ASIC2: variants seen among roughly 807,000 people sequenced by gnomAD.
ASIC2 encodes the protein acid-sensing ion channel 2.
In ASIC2, 25 loss-of-function variants were observed where a neutral mutation model predicts 57.3. The ratio of observed to expected loss-of-function variants is 0.44; its 90% CI spans 0.32 to 0.61. The LOEUF (loss-of-function observed/expected upper bound fraction) is 0.61, where lower values mean the gene tolerates loss of function less well. Among genes scored for constraint, ASIC2 ranks in the 20% least tolerant of loss-of-function variants. The probability of loss-of-function intolerance (pLI) is 0.06; values close to 1 mark genes in which losing one functional copy is unlikely to be tolerated. For missense variants in ASIC2, 641 were observed against 738.1 expected (o/e 0.87, Z 1.52); for synonymous variants, 319 against 307.5 (o/e 1.04, Z -0.39).
At chr17:33,447,189 G>A (rs75601880) in intron 1 of ASIC2, among the ~76,000 whole-genome samples, 10,750 of 152,238 alleles carry the variant, frequency 0.071, 474 homozygotes, top group Non-Finnish European at 0.1. Context: ...TTGATTACAT[G>A]TAGTTGTCTG....
At chr17:33,062,055 C>T (rs184081809) in intron 3 of ASIC2, among the ~76,000 whole-genome samples, 2,529 of 152,066 alleles carry the variant, frequency 0.017, 64 homozygotes, top group Middle Eastern at 0.061. Flanking sequence ...TCTCTCTTTT[C>T]TTCTTTATTA....
chr17:33,576,629 G>T (rs932614410), intron 1 of ASIC2, among the ~76,000 whole-genome samples: 8 of 152,120 alleles, frequency 5.3e-5, no homozygotes, highest in Non-Finnish European at 7.3e-5. Flanking sequence ...TACCTCACAG[G>T]GCACCTGTGA....
intron 1 of ASIC2, among the ~76,000 whole-genome samples, chr17:33,375,392 G>A (rs1342501973): frequency 6.6e-6 from 1 of 151,826 alleles, no homozygotes; most frequent in Non-Finnish European, 1.5e-5. Flanking sequence ...GGGGCAGAGA[G>A]CGAGGGGGAG....
Position 33,579,401 on chromosome 17 carries a change from G to A in ASIC2, c.556-467334C>T, listed in dbSNP as rs548716011. On this transcript the variant is annotated intron_variant, in intron 1 of 9. Coordinates refer to the ASIC2 transcript ENST00000359872. ...TCTAACACTCCGCCTCATTATTCTG[G>A]AGGGGAAGGTAGAAAACAAGGAGAT... Among the ~76,000 whole-genome samples the A allele has an allele frequency of 1.3e-4, 20 of 152,100 alleles. No individual in the cohort carries two copies. The South Asian group carries it at 2.9e-3, about 22-fold the overall frequency.
At chr17:34,133,218 A>G (rs1912042480) in intron 1 of ASIC2, among the ~76,000 whole-genome samples, 1 of 151,744 alleles carries the variant, frequency 6.6e-6, no homozygotes, top group Non-Finnish European at 1.5e-5. Context: ...ATGAAAGGGT[A>G]TGAACTCAGA....
intron 1 of ASIC2, among the ~76,000 whole-genome samples, chr17:33,725,488 G>T (rs570225411): frequency 1.8e-4 from 28 of 152,112 alleles, no homozygotes; most frequent in African/African-American, 6.7e-4. Context: ...CTATTACTTG[G>T]TTAAGTATGG....
chr17:34,039,343 G>C, intron 1 of ASIC2: 1 of 1,613,974 alleles, frequency 6.2e-7, no homozygotes, highest in African/African-American at 1.3e-5. Context: ...TTGCTGAGCT[G>C]AAACAAAAGT....
At chr17:33,742,233 C>T (rs75636545) in intron 1 of ASIC2, among the ~76,000 whole-genome samples, 14,664 of 152,200 alleles carry the variant, frequency 0.096, 717 homozygotes, top group African/African-American at 0.11. Context: ...CATTTGTTTC[C>T]AGTGCTCCAG....
intron 1 of ASIC2, among the ~76,000 whole-genome samples, chr17:33,475,272 T>C (rs1024536833): frequency 1.4e-5 from 2 of 143,464 alleles, no homozygotes; most frequent in Non-Finnish European, 3.0e-5. Context: ...TGTTGAAATT[T>C]TACCATATTT....
intron 3 of ASIC2, among the ~76,000 whole-genome samples, chr17:33,083,601 G>T (rs555885263): frequency 6.6e-6 from 1 of 152,200 alleles, no homozygotes; most frequent in Non-Finnish European, 1.5e-5. Context: ...GGTATCTGGA[G>T]GTGTGAATAG....
intron 1 of ASIC2, among the ~76,000 whole-genome samples, chr17:34,099,217 GAAAA>G (rs143587361): frequency 0.09 from 8,815 of 97,894 alleles, 860 homozygotes; most frequent in African/African-American, 0.21. Flanking sequence ...AGAAAGGAAA[GAAAA>G]GAAAGAAAAA....
chr17:33,918,142 A>C (rs1567755774), intron 1 of ASIC2, among the ~76,000 whole-genome samples: 1 of 152,156 alleles, frequency 6.6e-6, no homozygotes, highest in Non-Finnish European at 1.5e-5. Context: ...CTTTTCCAGG[A>C]AAATCCTTCT....
At chr17:34,102,956 A>G (rs1429178545) in intron 1 of ASIC2, among the ~76,000 whole-genome samples, 1 of 152,192 alleles carries the variant, frequency 6.6e-6, no homozygotes, top group Non-Finnish European at 1.5e-5. Flanking sequence ...GTGAGCTGAT[A>G]TTTCATTGTT....
chr17:33,903,608 TG>T (rs904552096), intron 1 of ASIC2, among the ~76,000 whole-genome samples: 2 of 152,258 alleles, frequency 1.3e-5, no homozygotes, highest in African/African-American at 4.8e-5. Context: ...GTTTTTTGTT[TG>T]CTTCCTAGCT....
chr17:33,187,768 G>T (rs943008258), intron 1 of ASIC2, among the ~76,000 whole-genome samples: 1 of 151,996 alleles, frequency 6.6e-6, no homozygotes, highest in Non-Finnish European at 1.5e-5. Context: ...ATCCTTGAAA[G>T]AAACCAAATT....
intron 1 of ASIC2, among the ~76,000 whole-genome samples, chr17:34,086,402 G>T (rs1288174370): frequency 6.6e-6 from 1 of 152,198 alleles, no homozygotes; most frequent in Non-Finnish European, 1.5e-5. Context: ...TGGTCTGAGA[G>T]ATAGTTTGTT....
At chr17:34,005,426 T>C (rs1399367772) in intron 1 of ASIC2, 1 of 152,210 alleles carries the variant, frequency 6.6e-6, no homozygotes, top group African/African-American at 2.4e-5. Context: ...AACTTAAATA[T>C]GATTATTCCT....
intron 1 of ASIC2, among the ~76,000 whole-genome samples, chr17:33,579,313 G>A (rs564990484): frequency 6.3e-4 from 94 of 150,008 alleles, no homozygotes; most frequent in African/African-American, 2.3e-3. Flanking sequence ...AATGCAGGTG[G>A]GTGACTCAGA....
At chr17:33,139,672 C>T (rs940031577) in intron 1 of ASIC2, among the ~76,000 whole-genome samples, 3 of 152,146 alleles carry the variant, frequency 2.0e-5, no homozygotes, top group Admixed American at 2.0e-4. Flanking sequence ...AGCATGTCCC[C>T]TCCTGCTGGT....
Sources: gnomAD v4.1 joint callset for allele counts (sites outside exome capture counted in the v4.1 genomes callset) on GRCh38, gnomAD v4.1.1 for gene constraint, MANE v1.5 for transcripts, NCBI Gene and HGNC (gene_info 2026-07-23, HGNC 2026-07-21) for gene names.